The following AKAP19 variants were observed in gnomAD, a reference collection of about 807,000 sequenced individuals.
The protein encoded by AKAP19 is A-kinase anchoring protein 19, also known as small A-kinase anchoring protein.
At chr2:190,080,125 G>A in the AKAP19 span, 1 of 152,106 alleles carries the variant, frequency 6.6e-6, no homozygotes, top group Non-Finnish European at 1.5e-5. Flanking sequence ...CGGTTATATA[G>A]AAACTCCCTT....
chr2:190,013,737 C>T, the AKAP19 span, among the ~76,000 whole-genome samples: 1 of 151,982 alleles, frequency 6.6e-6, no homozygotes, highest in Non-Finnish European at 1.5e-5. Context: ...CTAGGATGGT[C>T]TCAATCTCCT....
the AKAP19 span, among the ~76,000 whole-genome samples, chr2:190,021,956 G>C: frequency 2.0e-5 from 3 of 152,160 alleles, no homozygotes; most frequent in Non-Finnish European, 4.4e-5. Context: ...CTGCTTACTG[G>C]TCAGGACTCT....
At chr2:189,962,132 ATACATATTTT>A in the AKAP19 span, among the ~76,000 whole-genome samples, 3 of 152,212 alleles carry the variant, frequency 2.0e-5, no homozygotes, top group Admixed American at 2.0e-4. Context: ...TAAGATTATA[ATACATATTTT>A]TACATATTTT....
chr2:190,133,952 T>C, the AKAP19 span, among the ~76,000 whole-genome samples: 4 of 152,226 alleles, frequency 2.6e-5, no homozygotes, highest in African/African-American at 4.8e-5. Flanking sequence ...AAATGTATTA[T>C]ACACTTGAAA....
At chr2:189,994,723 C>T in the AKAP19 span, among the ~76,000 whole-genome samples, 13 of 151,908 alleles carry the variant, frequency 8.6e-5, no homozygotes, top group South Asian at 2.1e-4. Context: ...CTCAGCCTTC[C>T]GAGTAGCTGG....
the AKAP19 span, among the ~76,000 whole-genome samples, chr2:190,036,972 T>C: frequency 0.071 from 10,775 of 152,316 alleles, 464 homozygotes; most frequent in Non-Finnish European, 0.11. Context: ...TTCTACATTA[T>C]AATGTCTTTG....
At chr2:190,033,682 A>G in the AKAP19 span, among the ~76,000 whole-genome samples, 1 of 152,202 alleles carries the variant, frequency 6.6e-6, no homozygotes, top group Non-Finnish European at 1.5e-5. Context: ...CTGCTTTTGT[A>G]TAATTATACT....
the AKAP19 span, among the ~76,000 whole-genome samples, chr2:189,891,452 T>C: frequency 6.6e-6 from 1 of 152,044 alleles, no homozygotes; most frequent in African/African-American, 2.4e-5. Flanking sequence ...CTCAATCTCC[T>C]GACCTCATGA....
At chr2:189,915,851 T>C in the AKAP19 span, among the ~76,000 whole-genome samples, 1 of 152,312 alleles carries the variant, frequency 6.6e-6, no homozygotes, top group East Asian at 1.9e-4. Flanking sequence ...TGAAATGTCA[T>C]GTTTATAACA....
At chr2:190,065,577 GT>G in the AKAP19 span, among the ~76,000 whole-genome samples, 1 of 152,100 alleles carries the variant, frequency 6.6e-6, no homozygotes, top group Non-Finnish European at 1.5e-5. Context: ...TGTGAGTTCA[GT>G]GTTAATGAAT....
the AKAP19 span, among the ~76,000 whole-genome samples, chr2:189,968,119 G>T: frequency 6.6e-6 from 1 of 151,970 alleles, no homozygotes; most frequent in Non-Finnish European, 1.5e-5. Flanking sequence ...TAATTCAAAG[G>T]TAGATAAAAA....
At chr2:189,958,150 T>C in the AKAP19 span, among the ~76,000 whole-genome samples, 2 of 152,172 alleles carry the variant, frequency 1.3e-5, no homozygotes, top group Non-Finnish European at 2.9e-5. Flanking sequence ...AAAGGATTAG[T>C]GTCTTGAACA....
the AKAP19 span, among the ~76,000 whole-genome samples, chr2:189,901,149 A>G: frequency 6.6e-6 from 1 of 152,070 alleles, no homozygotes; most frequent in East Asian, 1.9e-4. Context: ...TGAAAAAAAA[A>G]TTACTAATTT....
the AKAP19 span, among the ~76,000 whole-genome samples, chr2:189,880,774 A>G: frequency 2.0e-5 from 3 of 152,202 alleles, no homozygotes; most frequent in Non-Finnish European, 4.4e-5. Flanking sequence ...TAATTAATGC[A>G]AAGGAAATAA....
the AKAP19 span, among the ~76,000 whole-genome samples, chr2:189,999,572 G>A: frequency 6.6e-6 from 1 of 152,130 alleles, no homozygotes; most frequent in Non-Finnish European, 1.5e-5. Flanking sequence ...CAGCCTGAAG[G>A]GCTTTCTTTA....
At chr2:190,073,030 G>A in the AKAP19 span, among the ~76,000 whole-genome samples, 4,466 of 152,020 alleles carry the variant, frequency 0.029, 104 homozygotes, top group Non-Finnish European at 0.044. Flanking sequence ...CAAAGTAATC[G>A]AATTGATAAT....
the AKAP19 span, among the ~76,000 whole-genome samples, chr2:189,947,043 T>C: frequency 1.3e-5 from 2 of 152,212 alleles, no homozygotes; most frequent in Non-Finnish European, 2.9e-5. Context: ...TTCTTTCTTT[T>C]TTCAAAATGG....
the AKAP19 span, among the ~76,000 whole-genome samples, chr2:190,038,934 CTTCT>C: frequency 7.1e-6 from 1 of 140,408 alleles, no homozygotes; most frequent in African/African-American, 2.9e-5. Context: ...TCTTCTTCTT[CTTCT>C]TCTTCTTCTT....
chr2:190,024,177 C>G, the AKAP19 span, among the ~76,000 whole-genome samples: 2 of 151,936 alleles, frequency 1.3e-5, no homozygotes, highest in Admixed American at 6.6e-5. Flanking sequence ...TGTCGCTGGA[C>G]AGCGTCCTGG....
Sources: gnomAD v4.1 joint callset for allele counts (sites outside exome capture counted in the v4.1 genomes callset) on GRCh38, gnomAD v4.1.1 for gene constraint, MANE v1.5 for transcripts, NCBI Gene and HGNC (gene_info 2026-07-23, HGNC 2026-07-21) for gene names.